USP10: variants seen among roughly 807,000 people sequenced by gnomAD.
USP10 encodes the protein ubiquitin carboxyl-terminal hydrolase 10.
In USP10, 22 loss-of-function variants were observed where a neutral mutation model predicts 84.5. That is an observed-to-expected ratio of 0.26 (90% CI 0.19 to 0.37). USP10 has a LOEUF of 0.37. Ranked by LOEUF, USP10 falls within the 10% of genes least tolerant of loss-of-function variation. The probability of loss-of-function intolerance (pLI) is 1.00; values close to 1 mark genes in which losing one functional copy is unlikely to be tolerated. For synonymous variants in USP10, 454 were observed against 387.6 expected, an observed-to-expected ratio of 1.17 and a Z score of -2.01; for missense variants, 1,019 against 998.9, an observed-to-expected ratio of 1.02 and a Z score of -0.27.
intron 1 of USP10, among the ~76,000 whole-genome samples, chr16:84,727,772 T>TA (rs1412016334): frequency 6.6e-6 from 1 of 152,244 alleles, no homozygotes; most frequent in Non-Finnish European, 1.5e-5. Context: ...TGTAGCCACT[T>TA]AATCCTAAAT....
chr16:84,733,814 G>T (rs1909547941), intron 2 of USP10, among the ~76,000 whole-genome samples: 1 of 152,124 alleles, frequency 6.6e-6, no homozygotes. Flanking sequence ...GTCCTGACTG[G>T]TTTTCACCTT....
intron 2 of USP10, among the ~76,000 whole-genome samples, chr16:84,737,426 G>A (rs1247289772): frequency 2.6e-5 from 4 of 152,154 alleles, no homozygotes; most frequent in African/African-American, 7.2e-5. Context: ...ATTCTGTTGT[G>A]TATTTAGATA....
chr16:84,774,908 C>G (rs1336173440), intron 12 of USP10, among the ~76,000 whole-genome samples: 1 of 152,234 alleles, frequency 6.6e-6, no homozygotes, highest in African/African-American at 2.4e-5. Context: ...GGGCCTCCCA[C>G]AGGAGCATCA....
intron 13 of USP10, among the ~76,000 whole-genome samples, chr16:84,777,924 G>T (rs1915182375): frequency 6.6e-6 from 1 of 152,346 alleles, no homozygotes. Context: ...CCTTCCCGAG[G>T]CTGGTGTCTG....
chr16:84,760,134 T>C (rs372738444), intron 7 of USP10, 38 bp from the exon 8 acceptor site: 28 of 1,573,756 alleles, frequency 1.8e-5, no homozygotes, highest in African/African-American at 2.7e-5. Context: ...TATGAGTTCA[T>C]TGTAGTTAGG....
Position 84,745,532 on chromosome 16 carries a change from C to T in USP10, c.1051C>T (p.Pro351Ser), listed in dbSNP as rs943877696. 12 of 1,613,102 alleles carry T rather than the reference C, an allele frequency of 7.4e-6. No individual in the cohort carries two copies. Among genetic ancestry groups the T allele is most frequent in the Non-Finnish European group, 1.0e-5 (12 of 1,179,494 alleles). Reference protein sequence around the residue: ...SWASLFHDSKPSSSSPVAYVE... With the variant: ...SWASLFHDSKSSSSSPVAYVE... ...GGCCAGCCTCTTTCATGATTCTAAGCCCTCTTCCTCCTCGCCGGTGGCCTA... is the reference window on the plus strand; with the variant it reads ...GGCCAGCCTCTTTCATGATTCTAAGTCCTCTTCCTCCTCGCCGGTGGCCTA... The change falls in exon 4 of 14, where the codon CCC (proline) becomes TCC (serine). Residue 351 changes from proline to serine, a missense_variant. Coordinates refer to ENST00000219473, the MANE Select transcript of USP10 (RefSeq NM_005153.3).
At chr16:84,743,847 A>G (rs1338822175) in intron 3 of USP10, among the ~76,000 whole-genome samples, 2 of 152,242 alleles carry the variant, frequency 1.3e-5, no homozygotes, top group African/African-American at 2.4e-5. Flanking sequence ...AAAGTTCACA[A>G]TTCTAACTTT....
intron 1 of USP10, chr16:84,704,980 C>T (rs1373448580): frequency 5.7e-6 from 8 of 1,401,750 alleles, no homozygotes; most frequent in South Asian, 1.3e-5. Context: ...GGGCCCAGCA[C>T]CTGCTACCGT....
At chr16:84,749,066 G>C (rs1480805136) in intron 4 of USP10, among the ~76,000 whole-genome samples, 1 of 151,958 alleles carries the variant, frequency 6.6e-6, no homozygotes, top group Admixed American at 6.5e-5. Flanking sequence ...GTTGTTGACA[G>C]TTTCAGGAGT....
intron 8 of USP10, among the ~76,000 whole-genome samples, chr16:84,761,150 C>T (rs1913161753): frequency 6.6e-6 from 1 of 152,046 alleles, no homozygotes. Flanking sequence ...TGAAGTGCGC[C>T]CTCTGCCCTC....
chr16:84,760,135 T>G, intron 7 of USP10, 37 bp from the exon 8 acceptor site: 2 of 1,574,902 alleles, frequency 1.3e-6, no homozygotes, highest in East Asian at 2.3e-5. Flanking sequence ...ATGAGTTCAT[T>G]GTAGTTAGGA....
At chr16:84,716,827 T>C (rs776428339) in intron 1 of USP10, among the ~76,000 whole-genome samples, 14 of 152,226 alleles carry the variant, frequency 9.2e-5, no homozygotes, top group Non-Finnish European at 1.6e-4. Flanking sequence ...TGACCGCATG[T>C]CCTGGTCTAA....
At chr16:84,734,998 C>T (rs1211201141) in intron 2 of USP10, among the ~76,000 whole-genome samples, 3 of 152,064 alleles carry the variant, frequency 2.0e-5, no homozygotes, top group African/African-American at 4.8e-5. Flanking sequence ...AAACACCACA[C>T]GTTTTATTTT....
At chr16:84,710,526 T>C (rs1906146463) in intron 1 of USP10, among the ~76,000 whole-genome samples, 1 of 152,136 alleles carries the variant, frequency 6.6e-6, no homozygotes, top group Admixed American at 6.6e-5. Context: ...GATAGAGTAG[T>C]TAGGGAAGGT....
rs1037571405 is a variant in USP10, at chr16:84,768,120, C to T, written c.1833-73C>T. Reference sequence around the variant, plus strand: ...AATAATCTTATTTTCAGTGTTTATTCCCTTGGTTAATCTTAAGGGAAAGTG... The same window carrying T: ...AATAATCTTATTTTCAGTGTTTATTTCCTTGGTTAATCTTAAGGGAAAGTG... On this transcript the variant is annotated intron_variant, in intron 10 of 13. Coordinates refer to ENST00000219473, the MANE Select transcript of USP10 (RefSeq NM_005153.3). The T allele has an allele frequency of 1.8e-5, 26 of 1,440,736 alleles. No individual in the cohort carries two copies. The Admixed American group carries it at 4.6e-4, about 26-fold the overall frequency. 89.2% of individuals were successfully genotyped at this position (1,440,736 alleles called of 1,614,324 possible).
At chr16:84,773,550 A>G (rs1416839948) in intron 12 of USP10, among the ~76,000 whole-genome samples, 1 of 152,116 alleles carries the variant, frequency 6.6e-6, no homozygotes, top group African/African-American at 2.4e-5. Flanking sequence ...GAAGACTCAG[A>G]CACTGTCTCT....
intron 5 of USP10, among the ~76,000 whole-genome samples, chr16:84,759,087 T>TAA (rs1307719519): frequency 6.6e-6 from 1 of 152,238 alleles, no homozygotes; most frequent in African/African-American, 2.4e-5. Flanking sequence ...AGCAACCACT[T>TAA]ACAACTGGAA....
chr16:84,748,284 C>T (rs1332553669), intron 4 of USP10, among the ~76,000 whole-genome samples: 1 of 151,110 alleles, frequency 6.6e-6, no homozygotes, highest in Non-Finnish European at 1.5e-5. Flanking sequence ...ATTCTAAGTT[C>T]GAAGTCATGA....
intron 1 of USP10, among the ~76,000 whole-genome samples, chr16:84,711,310 C>A (rs1906259514): frequency 6.6e-6 from 1 of 152,170 alleles, no homozygotes; most frequent in Non-Finnish European, 1.5e-5. Flanking sequence ...CTGGCTGTTG[C>A]TCTGCACCCC....
Sources: allele counts gnomAD v4.1 joint callset (sites outside exome capture counted in the v4.1 genomes callset), GRCh38; gene constraint gnomAD v4.1.1; transcripts MANE v1.5; gene names NCBI Gene and HGNC (gene_info 2026-07-23, HGNC 2026-07-21).